The following WDR7 variants were observed in gnomAD, a reference collection of about 807,000 sequenced individuals.
The protein encoded by WDR7 is WD repeat-containing protein 7.
A neutral mutation model predicts 169.4 loss-of-function variants in WDR7; 46 were observed. The ratio of observed to expected loss-of-function variants is 0.27; its 90% CI spans 0.21 to 0.35. WDR7 has a LOEUF of 0.35. Among genes scored for constraint, WDR7 ranks in the 10% least tolerant of loss-of-function variants. WDR7 has a pLI of 1.00. For missense variants in WDR7, 1,534 were observed against 1,859.3 expected (o/e 0.83, Z 3.22); for synonymous variants, 612 against 666.8 (o/e 0.92, Z 1.27).
intron 20 of WDR7, among the ~76,000 whole-genome samples, chr18:56,837,929 G>A (rs1599088464): frequency 1.3e-5 from 2 of 152,246 alleles, no homozygotes; most frequent in East Asian, 3.9e-4. Flanking sequence ...TTGTTTTTAA[G>A]AATAGAAGAA....
intron 19 of WDR7, among the ~76,000 whole-genome samples, chr18:56,805,074 C>T (rs2044747963): frequency 6.6e-6 from 1 of 152,110 alleles, no homozygotes; most frequent in Admixed American, 6.6e-5. Flanking sequence ...CTCAGACTCT[C>T]ACATTAATCG....
chr18:56,874,713 T>G (rs1283561576), intron 20 of WDR7, among the ~76,000 whole-genome samples: 1 of 152,118 alleles, frequency 6.6e-6, no homozygotes, highest in African/African-American at 2.4e-5. Flanking sequence ...TCCTTTTCGA[T>G]TTTTCCTTTC....
rs1175368207 is a variant in WDR7, at chr18:56,679,329, T to C, written c.160-3T>C. ...TTAAACTAGCATATTTTTGCATTTC[T>C]AGATTAATCCTCGAGCACTGTTGTT... is the stretch of plus-strand genomic sequence containing the variant. On this transcript the variant is annotated splice_region_variant and splice_polypyrimidine_tract_variant and intron_variant, in intron 2 of 27. Coordinates refer to ENST00000254442, the MANE Select transcript of WDR7 (RefSeq NM_015285.3). The C allele has an allele frequency of 6.2e-7, 1 of 1,605,222 alleles. No homozygotes were observed. Among genetic ancestry groups the C allele is most frequent in the South Asian group, 1.1e-5 (1 of 89,820 alleles).
intron 25 of WDR7, among the ~76,000 whole-genome samples, chr18:56,949,596 T>C (rs1184755000): frequency 1.3e-5 from 2 of 152,198 alleles, no homozygotes; most frequent in Admixed American, 6.5e-5. Flanking sequence ...TTTAATAGCC[T>C]TTTCAGGTAA....
At chr18:56,924,195 A>G in intron 22 of WDR7, 87 bp downstream of exon 22, 1 of 1,437,458 alleles carries the variant, frequency 7.0e-7, no homozygotes, top group Non-Finnish European at 9.4e-7. Flanking sequence ...TTCTGTATAG[A>G]TTGTGCATGT....
intron 14 of WDR7, among the ~76,000 whole-genome samples, chr18:56,747,547 A>G (rs556779906): frequency 6.6e-6 from 1 of 152,280 alleles, no homozygotes; most frequent in East Asian, 1.9e-4. Context: ...TTCCTACCTG[A>G]TGTGGGAGAA....
At chr18:56,807,600 A>G (rs568029462) in intron 19 of WDR7, among the ~76,000 whole-genome samples, 1 of 151,748 alleles carries the variant, frequency 6.6e-6, no homozygotes, top group Non-Finnish European at 1.5e-5. Context: ...TTACTTACAT[A>G]TTTTTCAGTA....
At chr18:56,949,134 C>G (rs1437337445) in intron 25 of WDR7, among the ~76,000 whole-genome samples, 3 of 135,352 alleles carry the variant, frequency 2.2e-5, no homozygotes, top group Non-Finnish European at 1.5e-5. Context: ...TAAAGTCTCT[C>G]TCTCTCTCTC....
chr18:56,798,060 T>C (rs2044613929), intron 19 of WDR7, among the ~76,000 whole-genome samples: 1 of 152,230 alleles, frequency 6.6e-6, no homozygotes, highest in African/African-American at 2.4e-5. Flanking sequence ...ACATGATGAT[T>C]GGTGCTATAT....
At chr18:56,823,704 A>G (rs1283807548) in intron 20 of WDR7, among the ~76,000 whole-genome samples, 1 of 152,214 alleles carries the variant, frequency 6.6e-6, no homozygotes, top group Non-Finnish European at 1.5e-5. Flanking sequence ...CTGACATCTC[A>G]AACTTGAAGT....
chr18:56,703,925 C>A (rs998524279), intron 12 of WDR7, among the ~76,000 whole-genome samples: 11 of 151,880 alleles, frequency 7.2e-5, no homozygotes, highest in African/African-American at 2.4e-4. Context: ...TAAAAAAGGG[C>A]ATATTAATTT....
At chr18:56,720,430 CAGAG>C (rs2026296141) in intron 13 of WDR7, among the ~76,000 whole-genome samples, 1 of 152,062 alleles carries the variant, frequency 6.6e-6, no homozygotes, top group East Asian at 1.9e-4. Flanking sequence ...GCCTGGGAGA[CAGAG>C]AGAGACTCTG....
chr18:56,961,597 G>A (rs74552678), intron 25 of WDR7, among the ~76,000 whole-genome samples: 6,386 of 151,946 alleles, frequency 0.042, 445 homozygotes, highest in African/African-American at 0.14. Context: ...TTACCTTCAG[G>A]CCTCAGCCAT....
chr18:56,970,236 G>GC (rs547708579), intron 26 of WDR7, among the ~76,000 whole-genome samples: 3 of 138,346 alleles, frequency 2.2e-5, no homozygotes, highest in Non-Finnish European at 4.8e-5. Flanking sequence ...TTTTTGGTTT[G>GC]TTTTTTTTTT....
chr18:56,870,286 T>A (rs1279814482), intron 20 of WDR7, among the ~76,000 whole-genome samples: 1 of 152,208 alleles, frequency 6.6e-6, no homozygotes, highest in Non-Finnish European at 1.5e-5. Context: ...TATGGTATTG[T>A]ACTTTATCCC....
intron 13 of WDR7, among the ~76,000 whole-genome samples, chr18:56,724,760 C>T (rs1001075117): frequency 7.9e-5 from 12 of 151,842 alleles, no homozygotes; most frequent in Non-Finnish European, 1.6e-4. Flanking sequence ...ATTAACTTGT[C>T]ATTTACTTTA....
At chr18:56,674,579 C>G (rs1339452332) in intron 2 of WDR7, among the ~76,000 whole-genome samples, 1 of 152,106 alleles carries the variant, frequency 6.6e-6, no homozygotes, top group Non-Finnish European at 1.5e-5. Context: ...AATCCCTTAA[C>G]AGATATAAGA....
intron 26 of WDR7, among the ~76,000 whole-genome samples, chr18:57,003,199 TTAC>T (rs1470847205): frequency 6.8e-6 from 1 of 147,560 alleles, no homozygotes; most frequent in Admixed American, 7.0e-5. Context: ...ACTTCAGTAA[TTAC>T]CCCTTCTGTG....
chr18:56,988,365 A>G (rs760447835), intron 26 of WDR7, among the ~76,000 whole-genome samples: 1 of 152,158 alleles, frequency 6.6e-6, no homozygotes, highest in Non-Finnish European at 1.5e-5. Context: ...ACTCCAGTTG[A>G]GGCAAAATTG....
Sources: gnomAD v4.1 joint callset for allele counts (sites outside exome capture counted in the v4.1 genomes callset) on GRCh38, gnomAD v4.1.1 for gene constraint, MANE v1.5 for transcripts, NCBI Gene and HGNC (gene_info 2026-07-23, HGNC 2026-07-21) for gene names.